The following TBR1 variants were observed in gnomAD, a reference collection of about 807,000 sequenced individuals.
The protein encoded by TBR1 is T-box brain transcription factor 1, also known as T-box brain protein 1.
A neutral mutation model predicts 60.3 loss-of-function variants in TBR1; 7 were observed. The observed-to-expected ratio is 0.12, with a 90% CI of 0.07 to 0.22. TBR1 has a LOEUF of 0.22. Ranked by LOEUF, TBR1 falls within the 10% of genes least tolerant of loss-of-function variation. The pLI is 1.00. For missense variants in TBR1, 616 were observed against 936.8 expected (o/e 0.66, Z 4.47); for synonymous variants, 417 against 409.9 (o/e 1.02, Z -0.21).
At chr2:161,419,196 C>A in intron 4 of TBR1, 146 bp downstream of exon 4, 1 of 1,199,268 alleles carries the variant, frequency 8.3e-7, no homozygotes, top group Non-Finnish European at 1.2e-6. Flanking sequence ...AGGCTTAGGG[C>A]TCGGGGCCTG....
chr2:161,423,590 A>T lies in TBR1; in HGVS notation c.1412A>T (p.Gln471Leu), dbSNP rs1329390375. Residue 471 changes from glutamine (Q) to leucine (L), a missense_variant, in exon 6 of 6, where the codon CAG (glutamine) becomes CTG (leucine). By Grantham distance (113) the Gln-to-Leu change is moderately radical. This residue lies in a region of TBR1 where 80 missense variants were observed against 75.3 expected (regional missense o/e 1.06). Transcript: ENST00000389554. ...VPHTNGLLSP[Q>L]QAEDPGAPSP... ...CACACCAACGGGCTGCTGTCGCCGC[A>T]GCAGGCCGAGGACCCGGGCGCGCCC... The T allele has an allele frequency of 1.3e-6, 2 of 1,538,570 alleles. No individual in the cohort carries two copies. The highest frequency in any genetic ancestry group is 2.8e-5 in the African/African-American group (2 of 70,202).
Position 161,417,217 on chromosome 2 carries a change from C to G in TBR1, c.692+115C>G. 9 of 1,061,862 alleles carry G rather than the reference C, an allele frequency of 8.5e-6. No homozygotes were observed. The highest frequency in any genetic ancestry group is 1.1e-5 in the Non-Finnish European group (8 of 745,624). 65.8% of individuals were successfully genotyped at this position (1,061,862 alleles called of 1,614,324 possible). A position where few individuals can be genotyped will look rare whatever the true frequency, so the allele number is the denominator to read the frequency against. On this transcript the variant is annotated intron_variant, in intron 1 of 5. Transcript: ENST00000389554. This position sits in a 1 kb window ranked among gnomAD's most constrained non-coding sequence, Gnocchi z 5.3. ...GGTCGGGAGCGGAGTGGAAGGCGCC[C>G]TAGAGTTGGCTAGTTTTGGAAAGGG...
chr2:161,418,815 G>C (rs938445332), intron 3 of TBR1, 77 bp from the exon 4 acceptor site: 2 of 1,526,344 alleles, frequency 1.3e-6, no homozygotes, highest in Admixed American at 2.1e-5. Context: ...CGGGCGCGCA[G>C]CCGGGCGCAC....
At chr2:161,418,393 T>C in intron 3 of TBR1, 71 bp downstream of exon 3, 3 of 1,556,818 alleles carry the variant, frequency 1.9e-6, no homozygotes, top group Non-Finnish European at 2.6e-6. Flanking sequence ...TTCGTCAGTG[T>C]AAAGCAGCAT....
At chr2:161,421,940 A>ACT (rs1417536621) in intron 5 of TBR1, 1 of 122,232 alleles carries the variant, frequency 8.2e-6, no homozygotes, top group Non-Finnish European at 1.8e-5. Context: ...TTATCTATAC[A>ACT]CACACACACA....
At chr2:161,420,422 T>TC in intron 5 of TBR1, 165 bp downstream of exon 5, 1 of 202,066 alleles carries the variant, frequency 4.9e-6, no homozygotes, top group South Asian at 1.6e-4. Flanking sequence ...CCTCTTCTTT[T>TC]TTTTTTTTTT....
Position 161,424,089 on chromosome 2 carries a change from G to A in TBR1, c.1911G>A (p.Arg637=). 1 of 1,611,892 alleles carries A rather than the reference G, an allele frequency of 6.2e-7. No individual in the cohort carries two copies. Among genetic ancestry groups the A allele is most frequent in the Non-Finnish European group, 8.5e-7 (1 of 1,179,374 alleles). Residue 637 remains arginine (R), a synonymous_variant, in exon 6 of 6, where the codon CGG becomes CGA. Transcript: ENST00000389554. This position sits in a 1 kb window ranked among gnomAD's most constrained non-coding sequence, Gnocchi z 4.4. ...CGGGGATTTACGAGCAGGCCAAGCG[G>A]AGGCGGATCTCGCCGGCCGACACGC... ...SDSGIYEQAK[R]RRISPADTPV...
At position 161,416,827 on chromosome 2, in the gene TBR1, C is replaced by G; in HGVS notation, c.417C>G (p.Ile139Met). The G allele has an allele frequency of 1.9e-6, 3 of 1,614,026 alleles. No individual in the cohort carries two copies. The highest frequency in any genetic ancestry group is 2.5e-6 in the Non-Finnish European group (3 of 1,180,014). The stretch of plus-strand genomic sequence containing the variant: ...GACCGGCGCACCCCGCCTTCTCCAT[C>G]GGCAGCCCTAGCCGCTACATGGCCC... The part of the protein sequence containing the change: ...QHGPAHPAFS[I>M]GSPSRYMAHH... Residue 139 changes from isoleucine to methionine, a missense_variant, in exon 1 of 6, where the codon ATC becomes ATG. Around this residue, in one of 8 missense-constraint regions of TBR1, gnomAD observed 211 missense variants for 268.7 expected, o/e 0.79. Transcript: ENST00000389554. This position sits in a 1 kb window ranked among gnomAD's most constrained non-coding sequence, Gnocchi z 6.1.
chr2:161,417,189 T>G lies in TBR1; in HGVS notation c.692+87T>G. 1 of 1,409,766 alleles carries G rather than the reference T, an allele frequency of 7.1e-7. No individual in the cohort carries two copies. Among genetic ancestry groups the G allele is most frequent in the Non-Finnish European group, 9.5e-7 (1 of 1,048,380 alleles). The allele number at this position is 1,409,766 out of a possible 1,614,324, so 87.3% of individuals were successfully genotyped here. ...TGTGACTGCCGCGGCAGCGACGATT[T>G]GGGGTCGGGAGCGGAGTGGAAGGCG... is the stretch of plus-strand genomic sequence containing the variant. On this transcript the variant is annotated intron_variant, in intron 1 of 5. Coordinates refer to ENST00000389554, the MANE Select transcript of TBR1 (RefSeq NM_006593.4). The surrounding 1 kb of genome is among the most constrained non-coding windows in gnomAD (Gnocchi z 5.3).
Position 161,416,997 on chromosome 2 carries a change from A to G in TBR1, c.587A>G (p.Gln196Arg). 6.2e-7 allele frequency: 1 copy of G among 1,614,124 alleles called. No homozygotes were observed. Among genetic ancestry groups the G allele is most frequent in the South Asian group, 1.1e-5 (1 of 91,080 alleles). Reference sequence around the variant, plus strand: ...CCGTTCTACCAGTTCTCCTCCACCCAGCCGGGGCTGGTGCCCGGCAAAGCA... The same window carrying G: ...CCGTTCTACCAGTTCTCCTCCACCCGGCCGGGGCTGGTGCCCGGCAAAGCA... ...GAPFYQFSST[Q>R]PGLVPGKAQV... Residue 196 changes from glutamine to arginine, a missense_variant, in exon 1 of 6, where the codon CAG (glutamine) becomes CGG (arginine). Coordinates refer to ENST00000389554, the MANE Select transcript of TBR1 (RefSeq NM_006593.4). The surrounding 1 kb of genome is among the most constrained non-coding windows in gnomAD (Gnocchi z 6.1).
chr2:161,425,393 A>G lies in TBR1; in HGVS notation c.*1166A>G, dbSNP rs765225117. The G allele has an allele frequency of 6.6e-6, 1 of 152,210 alleles. No individual in the cohort carries two copies. The highest frequency in any genetic ancestry group is 6.5e-5 in the Admixed American group (1 of 15,284). The allele number at this position is 152,210 out of a possible 1,614,324, so 9.4% of individuals were successfully genotyped here. On this transcript the variant is annotated 3_prime_UTR_variant, in exon 6 of 6. Coordinates refer to ENST00000389554, the MANE Select transcript of TBR1 (RefSeq NM_006593.4). ...AGTGAAGATGAATTGTGTGAGTTGT[A>G]TATTTTACTGCATTTTAGTTTTGAA...
Position 161,424,301 on chromosome 2 carries a change from C to T in TBR1, c.*74C>T. 7.0e-7 allele frequency: 1 copy of T among 1,422,836 alleles called. No homozygotes were observed. The highest frequency in any genetic ancestry group is 9.4e-7 in the Non-Finnish European group (1 of 1,059,248). The allele number at this position is 1,422,836 out of a possible 1,614,324, so 88.1% of individuals were successfully genotyped here. On this transcript the variant is annotated 3_prime_UTR_variant, in exon 6 of 6. Coordinates refer to ENST00000389554, the MANE Select transcript of TBR1 (RefSeq NM_006593.4). The surrounding 1 kb of genome is among the most constrained non-coding windows in gnomAD (Gnocchi z 4.4). ...CCCTCACAGCTCTTCCCCAGCTCCG[C>T]CTCCCCACACTCCTCCTTGCGCACC...
chr2:161,423,904 G>C lies in TBR1; in HGVS notation c.1726G>C (p.Ala576Pro), dbSNP rs1393167410. Residue 576 changes from alanine (A) to proline (P), a missense_variant, in exon 6 of 6, where the codon GCC (alanine) becomes CCC (proline). Ala to Pro is a conservative substitution (Grantham distance 27). This residue lies in a region of TBR1 where 210 missense variants were observed against 297.4 expected (regional missense o/e 0.71). Transcript: ENST00000389554. ...PNSAAAAARM[A>P]GANPYLGEEA... ...CAGCGCCGCGGCCGCCGCGCGCATG[G>C]CCGGCGCCAATCCCTACCTGGGCGA... 3 of 1,413,156 alleles carry C rather than the reference G, an allele frequency of 2.1e-6. No homozygotes were observed. The highest frequency in any genetic ancestry group is 2.8e-6 in the Non-Finnish European group (3 of 1,085,610). 87.5% of individuals were successfully genotyped at this position (1,413,156 alleles called of 1,614,324 possible).
Position 161,417,584 on chromosome 2 carries a change from T to A in TBR1, c.693-92T>A. ...ATTTGCTGCAAGTACAAGTTTTGCT[T>A]TGCTAACTGGCGCCCCGCTTCTTGC... On this transcript the variant is annotated intron_variant, in intron 1 of 5. Coordinates refer to ENST00000389554, the MANE Select transcript of TBR1 (RefSeq NM_006593.4). The surrounding 1 kb of genome is among the most constrained non-coding windows in gnomAD (Gnocchi z 5.3). 6.7e-7 allele frequency: 1 copy of A among 1,486,144 alleles called. No homozygotes were observed. Among genetic ancestry groups the A allele is most frequent in the South Asian group, 1.4e-5 (1 of 73,632 alleles). The allele number at this position is 1,486,144 out of a possible 1,614,324, so 92.1% of individuals were successfully genotyped here. A position where few individuals can be genotyped will look rare whatever the true frequency, so the allele number is the denominator to read the frequency against.
rs771644711 is a variant in TBR1 at position 161,418,951 on chromosome 2, C to T, written c.1029C>T (p.Asn343=). The T allele has an allele frequency of 9.9e-6, 16 of 1,614,106 alleles. No individual in the cohort carries two copies. The African/African-American group carries it at 1.9e-4, about 19-fold the overall frequency. ...CCCGCCTGCATGTGGTGGAAGTGAA[C>T]GAGGACGGCACGGAGGACACTAGCC... ...YQPRLHVVEV[N]EDGTEDTSQP... The change falls in exon 4 of 6, where the codon AAC becomes AAT. Residue 343 remains asparagine, a synonymous_variant. Transcript: ENST00000389554.
rs1462072726 is a variant in TBR1, at chr2:161,418,235, C to T, written c.882C>T (p.Asn294=). The T allele has an allele frequency of 2.5e-6, 4 of 1,613,894 alleles. No homozygotes were observed. In the African/African-American group the frequency reaches 5.3e-5, roughly 22 times the overall value. Residue 294 remains asparagine, a synonymous_variant, in exon 3 of 6, where the codon AAC becomes AAT. Coordinates refer to ENST00000389554, the MANE Select transcript of TBR1 (RefSeq NM_006593.4). ...NRVYMHPDSP[N]TGAHWMRQEI... ...TCTATATGCATCCGGATTCCCCCAACACTGGGGCTCACTGGATGCGCCAAG... is the reference window on the plus strand; with the variant it reads ...TCTATATGCATCCGGATTCCCCCAATACTGGGGCTCACTGGATGCGCCAAG...
chr2:161,421,730 T>G (rs926496772), intron 5 of TBR1: 2 of 152,284 alleles, frequency 1.3e-5, no homozygotes, highest in Non-Finnish European at 2.9e-5. Context: ...TTGCTAGTTA[T>G]GTTCCCTTCC....
Position 161,417,557 on chromosome 2 carries a change from C to A in TBR1, c.693-119C>A. 8.0e-7 allele frequency: 1 copy of A among 1,256,996 alleles called. No individual in the cohort carries two copies. Among genetic ancestry groups the A allele is most frequent in the Non-Finnish European group, 1.1e-6 (1 of 902,718 alleles). The allele number at this position is 1,256,996 out of a possible 1,614,324, so 77.9% of individuals were successfully genotyped here. On this transcript the variant is annotated intron_variant, in intron 1 of 5. Coordinates refer to ENST00000389554, the MANE Select transcript of TBR1 (RefSeq NM_006593.4). The surrounding 1 kb of genome is among the most constrained non-coding windows in gnomAD (Gnocchi z 5.3). ...TTTTTCTAATCCAGCAAATATTCGC[C>A]TATTTGCTGCAAGTACAAGTTTTGC...
rs1217877395 is a variant in TBR1 at position 161,420,273 on chromosome 2, T to C, written c.1190+16T>C. 6.2e-7 allele frequency: 1 copy of C among 1,607,940 alleles called. No individual in the cohort carries two copies. ...ATTATGACACGTAAGTAACTTTGTA[T>C]CTTCCTTTTCAAATAGCTGTGGAAT... On this transcript the variant is annotated intron_variant, in intron 5 of 5. Transcript: ENST00000389554.
Sources: gnomAD v4.1 joint callset for allele counts on GRCh38, gnomAD v4.1.1 for gene constraint, gnomAD v4.1.1 regional missense constraint, Gnocchi (gnomAD v3.1) non-coding constraint, MANE v1.5 for transcripts, NCBI Gene and HGNC (gene_info 2026-07-23, HGNC 2026-07-21) for gene names.